Variants in PAX3 observed in about 807,000 individuals in gnomAD.
PAX3 encodes the protein paired box 3.
PAX3 carries 14 observed loss-of-function variants against 51.6 expected under a neutral mutation model. The observed-to-expected ratio is 0.27, with a 90% CI of 0.18 to 0.42. PAX3 has a LOEUF of 0.42. Among genes scored for constraint, PAX3 ranks in the 10% least tolerant of loss-of-function variants. The pLI is 1.00. For missense variants in PAX3, 540 were observed against 642.8 expected (o/e 0.84, Z 1.73); for synonymous variants, 280 against 253.4 (o/e 1.11, Z -1.00).
At chr2:222,222,525 T>TC (rs1692235544) in intron 5 of PAX3, among the ~76,000 whole-genome samples, 1 of 151,850 alleles carries the variant, frequency 6.6e-6, no homozygotes, top group South Asian at 2.1e-4. Context: ...TGCCTCAGCC[T>TC]CCCCAGTAGC....
chr2:222,236,901 A>T (rs1435058469), intron 4 of PAX3, among the ~76,000 whole-genome samples: 2 of 152,224 alleles, frequency 1.3e-5, no homozygotes, highest in Admixed American at 6.5e-5. Context: ...AATCCATATC[A>T]ATACATCATG....
At chr2:222,247,933 T>C (rs982973882) in intron 4 of PAX3, among the ~76,000 whole-genome samples, 8 of 152,194 alleles carry the variant, frequency 5.3e-5, no homozygotes, top group Admixed American at 2.0e-4. Context: ...TTGGATATTA[T>C]CTTTGTTTTA....
chr2:222,298,748 G>A lies in PAX3; in HGVS notation c.-133C>T. On this transcript the variant is annotated 5_prime_UTR_variant, in exon 1 of 9. Coordinates refer to ENST00000392070, the MANE Select transcript of PAX3 (RefSeq NM_181458.4). ...CCCAAAACGGCTGGAGAGAGAGGGA[G>A]GGACGCGGGGAGGGGGGCTGTCGGT... The A allele has an allele frequency of 3.5e-6, 3 of 850,086 alleles. No homozygotes were observed. The highest frequency in any genetic ancestry group is 5.7e-6 in the Non-Finnish European group (3 of 524,166). 52.7% of individuals were successfully genotyped at this position (850,086 alleles called of 1,614,324 possible). A position where few individuals can be genotyped will look rare whatever the true frequency, so the allele number is the denominator to read the frequency against.
intron 7 of PAX3, among the ~76,000 whole-genome samples, chr2:222,215,645 G>A (rs1415804149): frequency 6.6e-6 from 1 of 152,098 alleles, no homozygotes; most frequent in East Asian, 1.9e-4. Flanking sequence ...ATGTTAATTA[G>A]CCTCACATCT....
chr2:222,289,340 T>C (rs1694945574), intron 4 of PAX3, among the ~76,000 whole-genome samples: 1 of 152,144 alleles, frequency 6.6e-6, no homozygotes, highest in South Asian at 2.1e-4. Context: ...GGAAGAATTT[T>C]TTGTTGTTGT....
chr2:222,228,943 AAAAC>A (rs754864434), intron 5 of PAX3, among the ~76,000 whole-genome samples: 11 of 152,114 alleles, frequency 7.2e-5, no homozygotes, highest in African/African-American at 1.7e-4. Flanking sequence ...TCTGTCTCAA[AAAAC>A]AAACAAACAA....
intron 4 of PAX3, among the ~76,000 whole-genome samples, chr2:222,292,054 C>G (rs567744023): frequency 8.6e-5 from 13 of 150,698 alleles, no homozygotes; most frequent in African/African-American, 3.2e-4. Flanking sequence ...GGGGAGAATA[C>G]TCTGATTTTA....
chr2:222,254,236 T>C (rs1016338828), intron 4 of PAX3, among the ~76,000 whole-genome samples: 1 of 152,206 alleles, frequency 6.6e-6, no homozygotes, highest in African/African-American at 2.4e-5. Context: ...TCTAATCCCA[T>C]TTTGTGTTCA....
chr2:222,281,499 C>G (rs527374890), intron 4 of PAX3, among the ~76,000 whole-genome samples: 1 of 152,344 alleles, frequency 6.6e-6, no homozygotes, highest in East Asian at 1.9e-4. Flanking sequence ...CTGCCACTTC[C>G]CTTCACCTGT....
intron 4 of PAX3, among the ~76,000 whole-genome samples, chr2:222,251,717 G>A (rs1693440956): frequency 6.6e-6 from 1 of 152,124 alleles, no homozygotes; most frequent in Admixed American, 6.5e-5. Context: ...CTAGTTTACG[G>A]TCCCACCAAC....
chr2:222,201,795 C>T (rs1039060214), intron 8 of PAX3, 149 bp downstream of exon 8: 2 of 1,545,098 alleles, frequency 1.3e-6, no homozygotes, highest in Non-Finnish European at 1.7e-6. Flanking sequence ...GAAGCCCCTG[C>T]TGGAACAGTC....
At chr2:222,233,586 G>A (rs1692690966) in intron 4 of PAX3, among the ~76,000 whole-genome samples, 1 of 152,168 alleles carries the variant, frequency 6.6e-6, no homozygotes, top group Non-Finnish European at 1.5e-5. Context: ...GCTATAGAGG[G>A]TTCTGCAGTG....
At chr2:222,283,260 A>C (rs1465568909) in intron 4 of PAX3, among the ~76,000 whole-genome samples, 1 of 152,222 alleles carries the variant, frequency 6.6e-6, no homozygotes, top group African/African-American at 2.4e-5. Context: ...TAAAGTGGAC[A>C]AAAAAATCAA....
intron 7 of PAX3, among the ~76,000 whole-genome samples, chr2:222,209,029 T>C (rs1460829261): frequency 6.6e-6 from 1 of 152,170 alleles, no homozygotes; most frequent in Non-Finnish European, 1.5e-5. Flanking sequence ...CTAGAAATAC[T>C]GCCTTTTAGT....
intron 4 of PAX3, among the ~76,000 whole-genome samples, chr2:222,290,954 G>A (rs1369447672): frequency 6.6e-6 from 1 of 151,902 alleles, no homozygotes; most frequent in African/African-American, 2.4e-5. Flanking sequence ...AAGAAGGGGG[G>A]AGGCGGGCTG....
intron 4 of PAX3, among the ~76,000 whole-genome samples, chr2:222,273,587 T>G (rs186510804): frequency 2.0e-5 from 3 of 152,302 alleles, no homozygotes; most frequent in Non-Finnish European, 4.4e-5. Flanking sequence ...GTGTGTCAAG[T>G]GAACAAAAGA....
Position 222,200,358 on chromosome 2 carries a change from G to A in PAX3, c.*1050C>T, listed in dbSNP as rs936775273. ...TGCCTTTCATAGAAAAGAGAAGAATGTAAACGTAATCAGTTTAAAAGCATA... is the reference window on the plus strand; with the variant it reads ...TGCCTTTCATAGAAAAGAGAAGAATATAAACGTAATCAGTTTAAAAGCATA... On this transcript the variant is annotated 3_prime_UTR_variant, in exon 9 of 9. Transcript: ENST00000392070. 8.9e-6 allele frequency: 2 copies of A among 224,400 alleles called. No individual in the cohort carries two copies. The highest frequency in any genetic ancestry group is 8.9e-6 in the Non-Finnish European group (1 of 112,334). The allele number at this position is 224,400 out of a possible 1,614,324, so 13.9% of individuals were successfully genotyped here.
In PAX3 at chr2:222,298,915, C is replaced by T; in HGVS notation, c.-300G>A. The T allele has an allele frequency of 1.9e-6, 1 of 513,660 alleles. No homozygotes were observed. Among genetic ancestry groups the T allele is most frequent in the East Asian group, 3.3e-5 (1 of 29,852 alleles). 31.8% of individuals were successfully genotyped at this position (513,660 alleles called of 1,614,324 possible). On this transcript the variant is annotated 5_prime_UTR_variant, in exon 1 of 9. Coordinates refer to ENST00000392070, the MANE Select transcript of PAX3 (RefSeq NM_181458.4). The stretch of plus-strand genomic sequence containing the variant: ...GCGACTGGGGTCCCTGAAAAGGGGG[C>T]TCAGAGAGCCACGGCGAGCCGGGGA...
intron 4 of PAX3, among the ~76,000 whole-genome samples, chr2:222,248,393 C>T (rs550927169): frequency 2.0e-4 from 30 of 152,354 alleles, no homozygotes; most frequent in Non-Finnish European, 7.3e-5. Flanking sequence ...TCACACAATG[C>T]CACATGCAGG....
Sources: allele counts gnomAD v4.1 joint callset (sites outside exome capture counted in the v4.1 genomes callset), GRCh38; gene constraint gnomAD v4.1.1; transcripts MANE v1.5; gene names NCBI Gene and HGNC (gene_info 2026-07-23, HGNC 2026-07-21).